LTAP1: variants seen among roughly 807,000 people sequenced by gnomAD.
The protein encoded by LTAP1 is HCV NS5A-transactivated protein 4.
At chr1:154,212,351 A>G in the LTAP1 span, 1 of 1,614,120 alleles carries the variant, frequency 6.2e-7, no homozygotes, top group Non-Finnish European at 8.5e-7. Flanking sequence ...GCCTCCTGAT[A>G]GCGTAGGTAC....
the LTAP1 span, among the ~76,000 whole-genome samples, chr1:154,213,603 C>A: frequency 6.6e-6 from 1 of 152,210 alleles, no homozygotes; most frequent in African/African-American, 2.4e-5. Flanking sequence ...AAGCAGGTGC[C>A]ACCTGTCCTT....
chr1:154,217,644 T>C, the LTAP1 span, among the ~76,000 whole-genome samples: 988 of 152,212 alleles, frequency 6.5e-3, 6 homozygotes, highest in African/African-American at 0.02. Context: ...GGGATTCTCC[T>C]ACCTCAGCGT....
At chr1:154,212,320 G>C in the LTAP1 span, 22 of 1,614,060 alleles carry the variant, frequency 1.4e-5, no homozygotes, top group South Asian at 2.4e-4. Context: ...CCAAACTCAC[G>C]CAGTGGCCAG....
chr1:154,213,843 C>G, the LTAP1 span: 1 of 1,500,190 alleles, frequency 6.7e-7, no homozygotes. Flanking sequence ...ACTCTGTTCC[C>G]TAGGTGGGCT....
At chr1:154,212,164 C>T in the LTAP1 span, 2 of 854,938 alleles carry the variant, frequency 2.3e-6, no homozygotes, top group African/African-American at 1.7e-5. Flanking sequence ...GCCGCATCTG[C>T]TTTCTAATGT....
At chr1:154,210,042 C>G in the LTAP1 span, among the ~76,000 whole-genome samples, 1 of 151,736 alleles carries the variant, frequency 6.6e-6, no homozygotes, top group Non-Finnish European at 1.5e-5. Flanking sequence ...GCAGTTTTTA[C>G]TAGGACCTTT....
At chr1:154,220,053 G>T in the LTAP1 span, 1 of 996,320 alleles carries the variant, frequency 1.0e-6, no homozygotes, top group Non-Finnish European at 1.5e-6. Flanking sequence ...GAATGTTTCA[G>T]GGTAAAACTT....
At chr1:154,207,232 G>C in the LTAP1 span, 1 of 425,276 alleles carries the variant, frequency 2.4e-6, no homozygotes. Context: ...AAGCGCTACT[G>C]GGGGAAAATA....
At chr1:154,219,222 G>T in the LTAP1 span, among the ~76,000 whole-genome samples, 2 of 152,206 alleles carry the variant, frequency 1.3e-5, no homozygotes, top group Non-Finnish European at 2.9e-5. Context: ...GTAATCAGTT[G>T]GCAATATATG....
the LTAP1 span, chr1:154,207,459 A>G: frequency 6.2e-7 from 1 of 1,614,014 alleles, no homozygotes; most frequent in Non-Finnish European, 8.5e-7. Flanking sequence ...TCCGTCACAG[A>G]GTACTCTCCA....
the LTAP1 span, chr1:154,212,112 C>A: frequency 3.9e-5 from 22 of 567,002 alleles, no homozygotes; most frequent in Non-Finnish European, 6.6e-5. Flanking sequence ...CCGCCTCGGC[C>A]TCCCAAAGTG....
the LTAP1 span, among the ~76,000 whole-genome samples, chr1:154,211,316 ATTTAATTC>A: frequency 2.3e-5 from 1 of 42,662 alleles, no homozygotes; most frequent in African/African-American, 8.7e-5. Flanking sequence ...AATAGATGTT[ATTTAATTC>A]TTTTTTTTTT....
the LTAP1 span, chr1:154,212,623 C>A: frequency 6.2e-7 from 1 of 1,613,874 alleles, no homozygotes. Context: ...GAAATGGGAT[C>A]TCTGTGGAGA....
the LTAP1 span, chr1:154,214,510 A>T: frequency 6.2e-7 from 1 of 1,614,086 alleles, no homozygotes; most frequent in Non-Finnish European, 8.5e-7. Flanking sequence ...ATCTGCAAGG[A>T]GCTGGGGCTC....
the LTAP1 span, chr1:154,212,617 T>G: frequency 3.7e-6 from 6 of 1,613,818 alleles, no homozygotes; most frequent in Non-Finnish European, 5.1e-6. Flanking sequence ...CAGAATGAAA[T>G]GGGATCTCTG....
chr1:154,214,979 G>A, the LTAP1 span, among the ~76,000 whole-genome samples: 4 of 151,794 alleles, frequency 2.6e-5, no homozygotes, highest in African/African-American at 9.7e-5. Flanking sequence ...AGAGTAGCTG[G>A]GATTATAGGC....
At chr1:154,214,835 T>A in the LTAP1 span, among the ~76,000 whole-genome samples, 1 of 147,914 alleles carries the variant, frequency 6.8e-6, no homozygotes, top group African/African-American at 2.4e-5. Flanking sequence ...AGCACCAACA[T>A]TATTTCCAAT....
the LTAP1 span, chr1:154,220,454 T>G: frequency 1.2e-6 from 2 of 1,608,732 alleles, no homozygotes; most frequent in Non-Finnish European, 1.7e-6. Context: ...CCCGCTGTCC[T>G]GGCTGGTCAG....
chr1:154,219,428 T>A, the LTAP1 span, among the ~76,000 whole-genome samples: 1 of 152,230 alleles, frequency 6.6e-6, no homozygotes. Context: ...TGGAATTAGA[T>A]GATTTATGGA....
Sources: allele counts gnomAD v4.1 joint callset (sites outside exome capture counted in the v4.1 genomes callset), GRCh38; gene constraint gnomAD v4.1.1; transcripts MANE v1.5; gene names NCBI Gene and HGNC (gene_info 2026-07-23, HGNC 2026-07-21).